SPIDR: variants seen among roughly 807,000 people sequenced by gnomAD.
The protein encoded by SPIDR is scaffold protein involved in DNA repair.
Under a neutral mutation model 104.6 loss-of-function variants are expected in SPIDR, and 93 were observed. The ratio of observed to expected loss-of-function variants is 0.89; its 90% CI spans 0.75 to 1.06. SPIDR has a LOEUF of 1.06. SPIDR is among the 50% of genes least tolerant of loss of function. The pLI is 0.00. For synonymous variants in SPIDR, 431 were observed against 416.9 expected, an observed-to-expected ratio of 1.03 and a Z score of -0.41; for missense variants, 1,154 against 1,111.2, an observed-to-expected ratio of 1.04 and a Z score of -0.55.
At chr8:47,651,705 A>G (rs74542080) in intron 10 of SPIDR, among the ~76,000 whole-genome samples, 14 of 152,208 alleles carry the variant, frequency 9.2e-5, no homozygotes, top group African/African-American at 3.4e-4. Flanking sequence ...AACCTAAGTG[A>G]CCATCCATCA....
chr8:47,341,863 A>G (rs1248248113), intron 5 of SPIDR, among the ~76,000 whole-genome samples: 2 of 152,110 alleles, frequency 1.3e-5, no homozygotes, highest in Non-Finnish European at 2.9e-5. Context: ...CTGGCTTGGC[A>G]TTCTCAGCAG....
At chr8:47,522,256 C>T (rs915337327) in intron 8 of SPIDR, among the ~76,000 whole-genome samples, 3 of 152,066 alleles carry the variant, frequency 2.0e-5, no homozygotes, top group African/African-American at 7.2e-5. Context: ...GTCAGCCTCT[C>T]CTCCTGTGCG....
intron 11 of SPIDR, among the ~76,000 whole-genome samples, chr8:47,687,888 C>T (rs2078026245): frequency 6.6e-6 from 1 of 151,984 alleles, no homozygotes; most frequent in Non-Finnish European, 1.5e-5. Flanking sequence ...CATAGTGAGG[C>T]CTTATCTCTA....
At chr8:47,341,184 A>G (rs1474282753) in intron 5 of SPIDR, among the ~76,000 whole-genome samples, 3 of 152,266 alleles carry the variant, frequency 2.0e-5, no homozygotes, top group African/African-American at 7.2e-5. Context: ...CAGTACACTC[A>G]GTTGGCATTA....
At chr8:47,638,981 A>ATCTGTG in intron 10 of SPIDR, among the ~76,000 whole-genome samples, 1 of 152,310 alleles carries the variant, frequency 6.6e-6, no homozygotes, top group East Asian at 1.9e-4. Flanking sequence ...GGTTTCTGTG[A>ATCTGTG]TCTGTGATGA....
intron 7 of SPIDR, among the ~76,000 whole-genome samples, chr8:47,422,844 C>G (rs2065783861): frequency 6.6e-6 from 1 of 152,074 alleles, no homozygotes; most frequent in African/African-American, 2.4e-5. Context: ...TTCCTTTGTT[C>G]CCTCCTGAGT....
At chr8:47,464,537 G>T (rs1329228799) in intron 8 of SPIDR, among the ~76,000 whole-genome samples, 1 of 152,142 alleles carries the variant, frequency 6.6e-6, no homozygotes, top group Non-Finnish European at 1.5e-5. Flanking sequence ...TGCATACTGG[G>T]ACTCCTTCCT....
At chr8:47,335,424 C>CT (rs1210549859) in intron 5 of SPIDR, among the ~76,000 whole-genome samples, 6 of 151,964 alleles carry the variant, frequency 3.9e-5, no homozygotes, top group African/African-American at 1.5e-4. Flanking sequence ...ACAGTTCATT[C>CT]TTTGTTTATG....
chr8:47,723,316 T>G (rs988909220), intron 16 of SPIDR, among the ~76,000 whole-genome samples: 2 of 152,206 alleles, frequency 1.3e-5, no homozygotes, highest in Non-Finnish European at 2.9e-5. Context: ...TATAACTGTT[T>G]TCTATTCATT....
intron 6 of SPIDR, among the ~76,000 whole-genome samples, chr8:47,405,320 GTGTATA>G (rs2062594770): frequency 6.6e-6 from 1 of 151,188 alleles, no homozygotes; most frequent in African/African-American, 2.4e-5. Flanking sequence ...GTGTGTGTGT[GTGTATA>G]TATGTGTGTG....
intron 8 of SPIDR, among the ~76,000 whole-genome samples, chr8:47,524,416 T>C (rs370750626): frequency 3.4e-4 from 52 of 152,336 alleles, no homozygotes; most frequent in African/African-American, 1.1e-3. Context: ...CTGTTTCACA[T>C]GCCTAACTGC....
At chr8:47,725,142 T>G (rs11997023) in intron 16 of SPIDR, among the ~76,000 whole-genome samples, 4,358 of 152,318 alleles carry the variant, frequency 0.029, 217 homozygotes, top group African/African-American at 0.098. Flanking sequence ...TGAAGAAATG[T>G]GTGCACCAGG....
chr8:47,374,954 G>A (rs1329699236), intron 5 of SPIDR, among the ~76,000 whole-genome samples: 1 of 152,020 alleles, frequency 6.6e-6, no homozygotes, highest in East Asian at 1.9e-4. Flanking sequence ...TACTCAGGAG[G>A]CTGAGGCAGG....
intron 7 of SPIDR, among the ~76,000 whole-genome samples, chr8:47,434,519 A>C (rs2067930804): frequency 6.6e-6 from 1 of 152,202 alleles, no homozygotes; most frequent in Non-Finnish European, 1.5e-5. Context: ...GAAAATTCCA[A>C]ATTACCATGG....
chr8:47,444,828 A>G (rs1233584858), intron 8 of SPIDR, among the ~76,000 whole-genome samples: 1 of 152,174 alleles, frequency 6.6e-6, no homozygotes, highest in Non-Finnish European at 1.5e-5. Flanking sequence ...TTATGGCTGC[A>G]CAGTGTGATA....
Position 47,334,810 on chromosome 8 carries a change from T to C in SPIDR, c.525+40780T>C, listed in dbSNP as rs1347604614. Among the ~76,000 whole-genome samples the C allele has an allele frequency of 2.6e-5, 4 of 152,300 alleles. No individual in the cohort carries two copies. In the South Asian group the frequency reaches 8.3e-4, roughly 32 times the overall value. The stretch of plus-strand genomic sequence containing the variant: ...ATTTGTTACTGGTTTCTATTTGTTG[T>C]TCTTGTCCTTTGTTCTTATTTTTAT... On this transcript the variant is annotated intron_variant, in intron 5 of 19. Transcript: ENST00000297423.
intron 7 of SPIDR, among the ~76,000 whole-genome samples, chr8:47,432,328 A>G (rs1422767377): frequency 6.6e-6 from 1 of 152,198 alleles, no homozygotes; most frequent in Non-Finnish European, 1.5e-5. Flanking sequence ...TTCTCTTTGG[A>G]GCATCATTTG....
intron 8 of SPIDR, chr8:47,528,210 A>G (rs2085344907): frequency 6.6e-6 from 1 of 152,212 alleles, no homozygotes; most frequent in South Asian, 2.1e-4. Context: ...TCTTTGCAAA[A>G]AAGAAGTGAG....
At chr8:47,425,930 C>T (rs1444919903) in intron 7 of SPIDR, among the ~76,000 whole-genome samples, 9 of 151,960 alleles carry the variant, frequency 5.9e-5, no homozygotes, top group African/African-American at 1.5e-4. Context: ...AGAAGGTACC[C>T]GTATTACTAC....
Sources: allele counts gnomAD v4.1 joint callset (sites outside exome capture counted in the v4.1 genomes callset), GRCh38; gene constraint gnomAD v4.1.1; transcripts MANE v1.5; gene names NCBI Gene and HGNC (gene_info 2026-07-23, HGNC 2026-07-21).